Variants in CDH22 observed in about 807,000 individuals in gnomAD.
The protein encoded by CDH22 is cadherin-22.
In CDH22, 30 loss-of-function variants were observed where a neutral mutation model predicts 58.4. That is an observed-to-expected ratio of 0.51 (90% CI 0.38 to 0.70). CDH22 has a LOEUF of 0.70. Among genes scored for constraint, CDH22 ranks in the 30% least tolerant of loss-of-function variants. The pLI is 0.00. For missense variants in CDH22, 1,014 were observed against 1,233.9 expected (o/e 0.82, Z 2.67); for synonymous variants, 513 against 558.2 (o/e 0.92, Z 1.14).
intron 8 of CDH22, among the ~76,000 whole-genome samples, chr20:46,191,812 C>T (rs1165901871): frequency 6.6e-6 from 1 of 152,274 alleles, no homozygotes; most frequent in East Asian, 1.9e-4. Flanking sequence ...CTGCTTCCTC[C>T]AGGAAGCTTT....
intron 1 of CDH22, among the ~76,000 whole-genome samples, chr20:46,307,580 C>G (rs1012023241): frequency 6.6e-6 from 1 of 152,190 alleles, no homozygotes; most frequent in South Asian, 2.1e-4. Flanking sequence ...GCCCGCCCGA[C>G]GGCCATAGGG....
intron 1 of CDH22, among the ~76,000 whole-genome samples, chr20:46,307,230 G>A (rs996215312): frequency 1.3e-5 from 2 of 152,240 alleles, no homozygotes; most frequent in African/African-American, 4.8e-5. Flanking sequence ...CCCGCCACAA[G>A]GGGGTGCCCT....
intron 3 of CDH22, among the ~76,000 whole-genome samples, chr20:46,238,941 G>C (rs2086272195): frequency 6.6e-6 from 1 of 152,230 alleles, no homozygotes; most frequent in South Asian, 2.1e-4. Context: ...CAACGCCCTG[G>C]CTATGGTCTA....
At chr20:46,263,034 A>G (rs2086441080) in intron 1 of CDH22, among the ~76,000 whole-genome samples, 1 of 152,084 alleles carries the variant, frequency 6.6e-6, no homozygotes, top group South Asian at 2.1e-4. Context: ...GAGAGCTCAC[A>G]CTTATCTGAG....
rs528063015 is a variant in CDH22 at position 46,229,058 on chromosome 20, C to G, written c.551-1431G>C. 5.3e-5 allele frequency among the ~76,000 whole-genome samples: 8 copies of G among 152,324 alleles called. No homozygotes were observed. The South Asian group carries it at 1.7e-3, about 32-fold the overall frequency. ...GCGCCTCTCTCTTTGGCCACTCCAG[C>G]TCCATGTCAACCATGTCAGAGTTGA... On this transcript the variant is annotated intron_variant, in intron 3 of 11. Coordinates refer to ENST00000537909, the MANE Select transcript of CDH22 (RefSeq NM_021248.3).
intron 3 of CDH22, among the ~76,000 whole-genome samples, chr20:46,240,220 C>T (rs1017389441): frequency 1.3e-5 from 2 of 151,918 alleles, no homozygotes; most frequent in Non-Finnish European, 2.9e-5. Context: ...GGAGCTGGAC[C>T]CCAGGATGCT....
At chr20:46,273,665 G>T (rs2086503509) in intron 1 of CDH22, among the ~76,000 whole-genome samples, 1 of 152,228 alleles carries the variant, frequency 6.6e-6, no homozygotes. Flanking sequence ...TCAGAGGAGG[G>T]AAAGACCCAT....
At chr20:46,259,824 AAAGAGTGATGGTTGGC>A (rs1476081090) in intron 1 of CDH22, among the ~76,000 whole-genome samples, 34 of 152,310 alleles carry the variant, frequency 2.2e-4, no homozygotes, top group Middle Eastern at 3.4e-3. Context: ...TGGTGTATAA[AAAGAGTGATGGTTGGC>A]ACCAAAGTTA....
chr20:46,267,469 A>AAGAAAAG (rs2086466605), intron 1 of CDH22, among the ~76,000 whole-genome samples: 1 of 152,250 alleles, frequency 6.6e-6, no homozygotes, highest in African/African-American at 2.4e-5. Flanking sequence ...CCAGTTACCA[A>AAGAAAAG]TGAACAAAGA....
chr20:46,179,997 C>T (rs1383961609), intron 10 of CDH22, among the ~76,000 whole-genome samples: 1 of 148,602 alleles, frequency 6.7e-6, no homozygotes, highest in African/African-American at 2.6e-5. Flanking sequence ...TTCTTGTGGC[C>T]TCCTTTCTCC....
intron 3 of CDH22, among the ~76,000 whole-genome samples, chr20:46,236,910 C>T (rs1490412898): frequency 1.3e-5 from 2 of 152,112 alleles, no homozygotes; most frequent in Non-Finnish European, 2.9e-5. Context: ...CCCAGCTGGT[C>T]TCGAACTCCT....
chr20:46,186,533 C>T, intron 10 of CDH22, 55 bp downstream of exon 10: 1 of 1,262,472 alleles, frequency 7.9e-7, no homozygotes, highest in Non-Finnish European at 1.1e-6. Context: ...AATATGGGAA[C>T]AGGGCAGGGA....
intron 1 of CDH22, among the ~76,000 whole-genome samples, chr20:46,282,109 G>A (rs1441794853): frequency 1.3e-5 from 2 of 152,200 alleles, no homozygotes; most frequent in African/African-American, 4.8e-5. Context: ...CGATACTGAT[G>A]AGTCTGATGA....
At chr20:46,246,052 G>A (rs903683627) in intron 2 of CDH22, among the ~76,000 whole-genome samples, 1 of 152,164 alleles carries the variant, frequency 6.6e-6, no homozygotes, top group Non-Finnish European at 1.5e-5. Flanking sequence ...ACACAAGAGC[G>A]ATGTTTTCTC....
intron 4 of CDH22, among the ~76,000 whole-genome samples, chr20:46,218,916 C>T (rs527265736): frequency 9.9e-5 from 15 of 152,250 alleles, no homozygotes; most frequent in African/African-American, 3.4e-4. Context: ...AGGTGGTGCC[C>T]GGGGCCTGTG....
At position 46,251,173 on chromosome 20, in the gene CDH22, G is replaced by A. The variant is rs769227946; in HGVS notation, c.122C>T (p.Thr41Ile). 32 of 1,568,206 alleles carry A rather than the reference G, an allele frequency of 2.0e-5. No individual in the cohort carries two copies. Among genetic ancestry groups the A allele is most frequent in the South Asian group, 1.3e-4 (11 of 87,402 alleles). Residue 41 changes from threonine to isoleucine, a missense_variant, in exon 2 of 12, where the codon ACA becomes ATA. Physicochemically the swap from Thr to Ile is moderately conservative, Grantham distance 89 (BLOSUM62 -1). Coordinates refer to ENST00000537909, the MANE Select transcript of CDH22 (RefSeq NM_021248.3). The surrounding 1 kb of genome is among the most constrained non-coding windows in gnomAD (Gnocchi z 6.7). ...AGCTCCGGGCGCCGACGGCGAGGGT[G>A]TGCCCGCTGCCCACAGGCGCCCCAG... is the stretch of plus-strand genomic sequence containing the variant. ...TLLGRLWAAG[T>I]PSPSAPGARQ... is the part of the protein sequence containing the mutation.
intron 1 of CDH22, among the ~76,000 whole-genome samples, chr20:46,269,522 T>C (rs180989068): frequency 6.6e-6 from 1 of 152,346 alleles, no homozygotes; most frequent in Admixed American, 6.5e-5. Flanking sequence ...CAGATCCTAT[T>C]TCTATTGCCA....
Position 46,276,832 on chromosome 20 carries a change from T to C in CDH22, c.-399-25139A>G, listed in dbSNP as rs375394260. ...CAGGGAAGATGCCAGATCCACAGAG[T>C]GTGAGCTTCTCCACCTAAGTGGAGA... On this transcript the variant is annotated intron_variant, in intron 1 of 11. Transcript: ENST00000537909. Among the ~76,000 whole-genome samples, 4 of 144,850 alleles carry C rather than the reference T, an allele frequency of 2.8e-5. No individual in the cohort carries two copies. The South Asian group carries it at 8.7e-4, about 32-fold the overall frequency.
rs1261901327 is a variant in CDH22 at position 46,178,082 on chromosome 20, G to A, written c.1779C>T (p.Gly593=). 5 of 1,614,110 alleles carry A rather than the reference G, an allele frequency of 3.1e-6. No homozygotes were observed. The highest frequency in any genetic ancestry group is 1.3e-5 in the African/African-American group (1 of 75,050). The change falls in exon 11 of 12, where the codon GGC becomes GGT. Residue 593 remains glycine (G), a synonymous_variant. Coordinates refer to ENST00000537909, the MANE Select transcript of CDH22 (RefSeq NM_021248.3). ...DSGPPTLSST[G]TLTIRICGCD... is the part of the protein sequence containing the mutation. ...AGCCACAGATGCGGATGGTGAGCGT[G>A]CCTGTGCTGCTCAGTGTGGGCGGCC...
Sources: allele counts gnomAD v4.1 joint callset (sites outside exome capture counted in the v4.1 genomes callset), GRCh38; gene constraint gnomAD v4.1.1; non-coding constraint Gnocchi (gnomAD v3.1); transcripts MANE v1.5; gene names NCBI Gene and HGNC (gene_info 2026-07-23, HGNC 2026-07-21).